UBE2L3: variants seen among roughly 807,000 people sequenced by gnomAD.
UBE2L3 encodes the protein ubiquitin conjugating enzyme E2 L3, also known as ubiquitin-conjugating enzyme E2 L3.
UBE2L3 carries 1 observed loss-of-function variant against 17.8 expected under a neutral mutation model. The ratio of observed to expected loss-of-function variants is 0.06; its 90% CI spans 0.02 to 0.27. The LOEUF (loss-of-function observed/expected upper bound fraction) is 0.27. Among genes scored for constraint, UBE2L3 ranks in the 10% least tolerant of loss-of-function variants. The pLI is 1.00. For missense variants in UBE2L3, 40 were observed against 192.6 expected (o/e 0.21, Z 4.69); for synonymous variants, 44 against 68.5 (o/e 0.64, Z 1.76).
chr22:21,571,703 A>G (rs1926976667), intron 1 of UBE2L3, among the ~76,000 whole-genome samples: 1 of 152,114 alleles, frequency 6.6e-6, no homozygotes, highest in African/African-American at 2.4e-5. Context: ...CGCCCAGCCT[A>G]ATGCTATTTA....
At chr22:21,563,323 G>A (rs564587856), upstream of UBE2L3, among the ~76,000 whole-genome samples, 4 of 150,680 alleles carry the variant, frequency 2.7e-5, no homozygotes, top group South Asian at 2.1e-4. Context: ...AGGCCAAGTC[G>A]GGCAGATCAC....
intron 1 of UBE2L3, among the ~76,000 whole-genome samples, chr22:21,576,277 G>T (rs1927288545): frequency 6.6e-6 from 1 of 151,650 alleles, no homozygotes; most frequent in African/African-American, 2.4e-5. Context: ...ACCACGCCTG[G>T]CTAATTTTTG....
In UBE2L3 at chr22:21,611,032, A is replaced by G; in HGVS notation, c.299A>G (p.Lys100Arg). 1 of 1,607,802 alleles carries G rather than the reference A, an allele frequency of 6.2e-7. No homozygotes were observed. Among genetic ancestry groups the G allele is most frequent in the Non-Finnish European group, 8.5e-7 (1 of 1,177,030 alleles). ...ISAENWKPAT[K>R]TDQVIQSLIA... ...GCCGAAAACTGGAAGCCAGCAACCAAAACCGACCAAGGTAAGACATGTGCC... is the reference window on the plus strand; with the variant it reads ...GCCGAAAACTGGAAGCCAGCAACCAGAACCGACCAAGGTAAGACATGTGCC... The change falls in exon 3 of 4, where the codon AAA becomes AGA. Residue 100 changes from lysine (K) to arginine (R), a missense_variant. Transcript: ENST00000342192.
chr22:21,604,919 T>A (rs1929068301), intron 2 of UBE2L3, among the ~76,000 whole-genome samples: 1 of 152,204 alleles, frequency 6.6e-6, no homozygotes, highest in Non-Finnish European at 1.5e-5. Context: ...CTGCCTCATG[T>A]AGTAACAGAA....
In UBE2L3 at chr22:21,608,516, C is replaced by CG. The variant is rs1225330769; in HGVS notation, c.124-2338dup. On this transcript the variant is annotated intron_variant, in intron 2 of 3. Coordinates refer to ENST00000342192, the MANE Select transcript of UBE2L3 (RefSeq NM_003347.4). Reference sequence around the variant, plus strand: ...TCAGTTCACTGCAATCTCTGCCTCCCGGGTTTAAGCAATTCTCCTACCTCA... The same window carrying CG: ...TCAGTTCACTGCAATCTCTGCCTCCCGGGGTTTAAGCAATTCTCCTACCTCA... Among the ~76,000 whole-genome samples, 4 of 152,068 alleles carry CG rather than the reference C, an allele frequency of 2.6e-5. No homozygotes were observed. The East Asian group carries it at 7.7e-4, about 29-fold the overall frequency.
intron 1 of UBE2L3, among the ~76,000 whole-genome samples, chr22:21,569,395 CAA>C (rs541227444): frequency 0.041 from 3,562 of 86,104 alleles, 120 homozygotes; most frequent in South Asian, 0.15. Flanking sequence ...GACTCCATGT[CAA>C]AAAAAAAAAA....
chr22:21,572,868 T>C (rs1401330236), intron 1 of UBE2L3, among the ~76,000 whole-genome samples: 1 of 152,150 alleles, frequency 6.6e-6, no homozygotes, highest in Admixed American at 6.6e-5. Context: ...ACTCAGTTGC[T>C]CAAGGAAAAA....
chr22:21,613,128 T>C (rs2148444276), intron 3 of UBE2L3, among the ~76,000 whole-genome samples: 1 of 152,114 alleles, frequency 6.6e-6, no homozygotes, highest in East Asian at 1.9e-4. Flanking sequence ...CCACAAAGAG[T>C]TCTGAGGCTC....
chr22:21,581,065 T>G (rs939136797), intron 1 of UBE2L3, among the ~76,000 whole-genome samples: 3 of 151,342 alleles, frequency 2.0e-5, no homozygotes, highest in Non-Finnish European at 2.9e-5. Flanking sequence ...ATTTTTTTTT[T>G]TTTTTTTGAG....
chr22:21,593,768 C>G (rs1391771945), intron 2 of UBE2L3, among the ~76,000 whole-genome samples: 1 of 152,176 alleles, frequency 6.6e-6, no homozygotes, highest in Non-Finnish European at 1.5e-5. Flanking sequence ...ATGGCCCTTG[C>G]TTGCCTCCTG....
intron 1 of UBE2L3, among the ~76,000 whole-genome samples, chr22:21,589,658 G>A (rs1485595745): frequency 6.6e-6 from 1 of 152,174 alleles, no homozygotes; most frequent in Non-Finnish European, 1.5e-5. Flanking sequence ...CTGGATGCCA[G>A]CAACACCCTG....
chr22:21,599,487 C>T (rs771503987), intron 2 of UBE2L3, among the ~76,000 whole-genome samples: 4 of 152,090 alleles, frequency 2.6e-5, no homozygotes, highest in Non-Finnish European at 4.4e-5. Flanking sequence ...AGAGAAGCCA[C>T]CCTCCTGGAA....
intron 3 of UBE2L3, among the ~76,000 whole-genome samples, chr22:21,615,554 C>CAA (rs370703483): frequency 8.5e-5 from 8 of 94,244 alleles, no homozygotes; most frequent in Admixed American, 4.9e-4. Flanking sequence ...GACTCCGTCT[C>CAA]AAAAAAAAAA....
chr22:21,585,202 C>T (rs755979081), intron 1 of UBE2L3, among the ~76,000 whole-genome samples: 3 of 152,180 alleles, frequency 2.0e-5, no homozygotes, highest in African/African-American at 7.2e-5. Context: ...CAGCATTTGG[C>T]TCTGAATAGT....
chr22:21,584,629 A>G (rs373444692), intron 1 of UBE2L3, among the ~76,000 whole-genome samples: 118 of 151,358 alleles, frequency 7.8e-4, no homozygotes, highest in Middle Eastern at 3.4e-3. Flanking sequence ...ATGAGGTCTT[A>G]CTGTGTGGCC....
At chr22:21,615,971 T>G (rs1929749798) in intron 3 of UBE2L3, among the ~76,000 whole-genome samples, 1 of 152,216 alleles carries the variant, frequency 6.6e-6, no homozygotes. Context: ...CAGAAGGTCA[T>G]GATATGCCTT....
chr22:21,582,636 C>T (rs1336793811), intron 1 of UBE2L3, among the ~76,000 whole-genome samples: 10 of 152,176 alleles, frequency 6.6e-5, no homozygotes, highest in Admixed American at 5.2e-4. Flanking sequence ...AGTAATTCTC[C>T]TGCCTCAGCC....
chr22:21,574,364 T>G (rs1267000763), intron 1 of UBE2L3, among the ~76,000 whole-genome samples: 4 of 152,202 alleles, frequency 2.6e-5, no homozygotes, highest in Admixed American at 6.5e-5. Flanking sequence ...GTGTGAAGGT[T>G]AAATGAGTTA....
intron 1 of UBE2L3, among the ~76,000 whole-genome samples, chr22:21,588,285 T>TA (rs1229696079): frequency 6.6e-6 from 1 of 152,310 alleles, no homozygotes; most frequent in South Asian, 2.1e-4. Context: ...TCTTGGAATT[T>TA]ACATTGGTTT....
Sources: gnomAD v4.1 joint callset for allele counts (sites outside exome capture counted in the v4.1 genomes callset) on GRCh38, gnomAD v4.1.1 for gene constraint, MANE v1.5 for transcripts, NCBI Gene and HGNC (gene_info 2026-07-23, HGNC 2026-07-21) for gene names.